CENPK: variants seen among roughly 807,000 people sequenced by gnomAD.
CENPK encodes the protein centromere protein K.
A neutral mutation model predicts 40.9 loss-of-function variants in CENPK; 46 were observed. The ratio of observed to expected loss-of-function variants is 1.13; its 90% confidence interval spans 0.89 to 1.44. The LOEUF is 1.44. CENPK is among the 40% of genes most tolerant of loss of function. The pLI, the probability that CENPK is intolerant of heterozygous loss-of-function variation, is 0.00. For synonymous variants in CENPK, 107 were observed against 104.4 expected (o/e 1.02, Z -0.15); for missense variants, 288 against 303.5 (o/e 0.95, Z 0.38).
chr5:65,508,215 C>G, the CENPK span, among the ~76,000 whole-genome samples: 1 of 152,176 alleles, frequency 6.6e-6, no homozygotes, highest in Admixed American at 6.5e-5. Context: ...TTTTCACCCA[C>G]TAATTTTAGC....
At position 65,518,236 on chromosome 5, in the gene CENPK, C is replaced by T; in HGVS notation, c.*239G>A. On this transcript the variant is annotated 3_prime_UTR_variant, in exon 11 of 11. Coordinates refer to ENST00000396679, the MANE Select transcript of CENPK (RefSeq NM_022145.5). Reference sequence around the variant, plus strand: ...GGTAAGGTACATTAAATGTTTTATGCCTAGAATATTATCTACCTGCATTCT... The same window carrying T: ...GGTAAGGTACATTAAATGTTTTATGTCTAGAATATTATCTACCTGCATTCT... 1 of 388,842 alleles carries T rather than the reference C, an allele frequency of 2.6e-6. No individual in the cohort carries two copies. The highest frequency in any genetic ancestry group is 4.6e-6 in the Non-Finnish European group (1 of 219,366). 24.1% of individuals were successfully genotyped at this position (388,842 alleles called of 1,614,324 possible).
intron 5 of CENPK, among the ~76,000 whole-genome samples, chr5:65,545,536 C>G (rs1233351490): frequency 1.3e-5 from 2 of 152,088 alleles, no homozygotes; most frequent in Non-Finnish European, 2.9e-5. Flanking sequence ...AAAGAGAAAT[C>G]AAGAAATTCT....
the CENPK span, among the ~76,000 whole-genome samples, chr5:65,512,577 G>T: frequency 2.0e-5 from 3 of 152,310 alleles, no homozygotes; most frequent in East Asian, 5.8e-4. Context: ...AATAAGGTTT[G>T]TTTTAAATAA....
chr5:65,551,091 A>C, intron 5 of CENPK: 1 of 315,814 alleles, frequency 3.2e-6, no homozygotes, highest in Non-Finnish European at 6.2e-6. Flanking sequence ...AAAAATACAA[A>C]AACCAACCAC....
chr5:65,502,700 T>C, the CENPK span, among the ~76,000 whole-genome samples: 1 of 152,226 alleles, frequency 6.6e-6, no homozygotes, highest in African/African-American at 2.4e-5. Flanking sequence ...AGCCTCAAAC[T>C]ATTGGGCTCT....
intron 5 of CENPK, among the ~76,000 whole-genome samples, chr5:65,547,390 C>CAAAA (rs70983677): frequency 8.2e-5 from 9 of 109,314 alleles, no homozygotes; most frequent in South Asian, 2.9e-4. Context: ...AAGACTGTCT[C>CAAAA]AAAAAAAAAA....
intron 6 of CENPK, among the ~76,000 whole-genome samples, chr5:65,531,615 T>C (rs1037962586): frequency 1.3e-5 from 2 of 152,070 alleles, no homozygotes; most frequent in Non-Finnish European, 2.9e-5. Context: ...GTGATTCTCC[T>C]GCTTCAGCCT....
At chr5:65,520,653 G>T (rs553870805) in intron 10 of CENPK, among the ~76,000 whole-genome samples, 12 of 152,252 alleles carry the variant, frequency 7.9e-5, no homozygotes, top group African/African-American at 2.9e-4. Flanking sequence ...ATAATACTCT[G>T]TATTAAATCC....
chr5:65,537,026 C>A (rs940298905), intron 6 of CENPK, among the ~76,000 whole-genome samples: 1 of 152,212 alleles, frequency 6.6e-6, no homozygotes, highest in Non-Finnish European at 1.5e-5. Flanking sequence ...CACCTTCTAT[C>A]CTTTTGCTGT....
intron 5 of CENPK, among the ~76,000 whole-genome samples, chr5:65,546,203 T>A (rs1748919202): frequency 6.9e-6 from 1 of 145,982 alleles, no homozygotes; most frequent in Non-Finnish European, 1.5e-5. Context: ...GTTCTAGTTC[T>A]AATGTTTTTG....
intron 10 of CENPK, among the ~76,000 whole-genome samples, chr5:65,519,368 C>A (rs1211672273): frequency 6.6e-6 from 1 of 152,124 alleles, no homozygotes; most frequent in Non-Finnish European, 1.5e-5. Flanking sequence ...CAAATAGTTA[C>A]AATTGTTTGA....
downstream of CENPK, among the ~76,000 whole-genome samples, chr5:65,516,235 G>A (rs543582287): frequency 4.6e-5 from 7 of 152,252 alleles, no homozygotes; most frequent in South Asian, 1.5e-3. Context: ...TTGTTTAGTC[G>A]TTTTTTAATG....
the CENPK span, among the ~76,000 whole-genome samples, chr5:65,501,174 GTTTTTTTT>G: frequency 1.6e-5 from 1 of 61,674 alleles, no homozygotes; most frequent in African/African-American, 6.7e-5. Flanking sequence ...TGCTAAGTTT[GTTTTTTTT>G]TTTTTTTTTT....
the CENPK span, among the ~76,000 whole-genome samples, chr5:65,511,137 C>A: frequency 6.6e-6 from 1 of 152,186 alleles, no homozygotes; most frequent in African/African-American, 2.4e-5. Flanking sequence ...AAGGCCTTAA[C>A]TCTTTTAATT....
At chr5:65,502,593 A>G in the CENPK span, among the ~76,000 whole-genome samples, 3 of 151,986 alleles carry the variant, frequency 2.0e-5, no homozygotes, top group Non-Finnish European at 4.4e-5. Flanking sequence ...TCTAACATGA[A>G]GAGTCTTTTT....
intron 6 of CENPK, chr5:65,529,831 G>C (rs1745448670): frequency 6.7e-6 from 1 of 150,346 alleles, no homozygotes; most frequent in Admixed American, 6.7e-5. Context: ...TTGAGACAGA[G>C]TCTTGCTTTG....
chr5:65,508,498 C>T, the CENPK span, among the ~76,000 whole-genome samples: 1 of 152,020 alleles, frequency 6.6e-6, no homozygotes, highest in Non-Finnish European at 1.5e-5. Context: ...AAAGTTAAAA[C>T]TATGGGCCAG....
chr5:65,554,551 T>C (rs1325629078), intron 3 of CENPK, among the ~76,000 whole-genome samples: 1 of 152,226 alleles, frequency 6.6e-6, no homozygotes, highest in Non-Finnish European at 1.5e-5. Flanking sequence ...CAACATAATA[T>C]AATGGCTGTT....
At chr5:65,555,996 T>G (rs371052573) in intron 2 of CENPK, among the ~76,000 whole-genome samples, 2 of 152,208 alleles carry the variant, frequency 1.3e-5, no homozygotes, top group Non-Finnish European at 2.9e-5. Flanking sequence ...TAATGACATT[T>G]TGGTCAATCA....
Sources: allele counts gnomAD v4.1 joint callset (sites outside exome capture counted in the v4.1 genomes callset), GRCh38; gene constraint gnomAD v4.1.1; transcripts MANE v1.5; gene names NCBI Gene and HGNC (gene_info 2026-07-23, HGNC 2026-07-21).